RBFOX1: variants seen among roughly 807,000 people sequenced by gnomAD.
RBFOX1 encodes the protein RNA binding protein fox-1 homolog 1.
RBFOX1 carries 8 observed loss-of-function variants against 57.7 expected under a neutral mutation model. That is an observed-to-expected ratio of 0.14 (90% CI 0.08 to 0.25). The LOEUF is 0.25. Among genes scored for constraint, RBFOX1 ranks in the 10% least tolerant of loss-of-function variants. RBFOX1 has a pLI of 1.00. For missense variants in RBFOX1, 611 were observed against 548.5 expected (o/e 1.11, Z -1.14); for synonymous variants, 326 against 222.4 (o/e 1.47, Z -4.15).
rs1325121940 is a variant in RBFOX1 at position 7,712,565 on chromosome 16, G to C, written c.*1820G>C. Reference sequence around the variant, plus strand: ...TGATCTTGAAAAGAGAAAAGGGGGAGGGGGGAGCTACTTATCAGCCAAAAG... The same window carrying C: ...TGATCTTGAAAAGAGAAAAGGGGGACGGGGGAGCTACTTATCAGCCAAAAG... On this transcript the variant is annotated 3_prime_UTR_variant, in exon 16 of 16. Coordinates refer to ENST00000550418, the MANE Select transcript of RBFOX1 (RefSeq NM_018723.4). 1 of 152,586 alleles carries C rather than the reference G, an allele frequency of 6.6e-6. No individual in the cohort carries two copies. The highest frequency in any genetic ancestry group is 1.5e-5 in the Non-Finnish European group (1 of 68,046). The allele number at this position is 152,586 out of a possible 1,614,324, so 9.5% of individuals were successfully genotyped here.
intron 4 of RBFOX1, among the ~76,000 whole-genome samples, chr16:5,974,890 C>G (rs2060031706): frequency 6.6e-6 from 1 of 151,966 alleles, no homozygotes; most frequent in Non-Finnish European, 1.5e-5. Context: ...TGCCTATTAC[C>G]CTGGCTACTC....
At chr16:6,932,382 C>T (rs935471513) in intron 3 of RBFOX1, among the ~76,000 whole-genome samples, 27 of 152,198 alleles carry the variant, frequency 1.8e-4, no homozygotes, top group African/African-American at 6.3e-4. Context: ...GCTGGGATTA[C>T]ATGCATGAGC....
intron 2 of RBFOX1, among the ~76,000 whole-genome samples, chr16:5,557,047 C>G (rs190077262): frequency 6.8e-4 from 104 of 152,180 alleles, no homozygotes; most frequent in Admixed American, 4.2e-3. Flanking sequence ...ATCATGAGGT[C>G]AGGAGATCAA....
chr16:5,490,826 C>CT lies in RBFOX1; in HGVS notation c.258+23580dup, dbSNP rs903743006. ...ACTGGGAGTTTTTCTTCTTAATAAA[C>CT]TTTTTTTTCTTTCACACTGAGTACA... On this transcript the variant is annotated intron_variant, in intron 2 of 2. Coordinates refer to the RBFOX1 transcript ENST00000585867. 3.9e-5 allele frequency among the ~76,000 whole-genome samples: 6 copies of CT among 152,044 alleles called. No individual in the cohort carries two copies. The South Asian group carries it at 6.2e-4, about 16-fold the overall frequency.
chr16:6,689,755 CAG>C (rs1379027499), intron 3 of RBFOX1, among the ~76,000 whole-genome samples: 1 of 152,204 alleles, frequency 6.6e-6, no homozygotes, highest in African/African-American at 2.4e-5. Context: ...TGGAAATAAA[CAG>C]AGAGCCCAGC....
chr16:5,633,423 C>G (rs1389540687), intron 3 of RBFOX1, among the ~76,000 whole-genome samples: 2 of 152,148 alleles, frequency 1.3e-5, no homozygotes, highest in Non-Finnish European at 2.9e-5. Context: ...GTGGTGATTT[C>G]TGAGATTTTG....
At chr16:6,810,537 T>C (rs1257650782) in intron 3 of RBFOX1, among the ~76,000 whole-genome samples, 1 of 152,148 alleles carries the variant, frequency 6.6e-6, no homozygotes, top group African/African-American at 2.4e-5. Context: ...AAAACCTCTT[T>C]TTTTTTCCTT....
intron 4 of RBFOX1, among the ~76,000 whole-genome samples, chr16:7,117,154 TG>T (rs1290935292): frequency 2.6e-5 from 4 of 152,020 alleles, no homozygotes; most frequent in African/African-American, 9.7e-5. Flanking sequence ...AAGTGAGGGC[TG>T]GAATGGGAGG....
intron 3 of RBFOX1, among the ~76,000 whole-genome samples, chr16:5,686,725 C>T (rs17138385): frequency 0.1 from 15,822 of 151,956 alleles, 999 homozygotes; most frequent in East Asian, 0.15. Context: ...TGGAAATTGC[C>T]GAAATATAGA....
chr16:6,138,822 G>A (rs781029283), intron 1 of RBFOX1, among the ~76,000 whole-genome samples: 3 of 152,178 alleles, frequency 2.0e-5, no homozygotes, highest in East Asian at 1.9e-4. Context: ...AGCCGAGATT[G>A]CGCCGCTGCA....
chr16:6,642,277 T>C (rs1265950654), intron 2 of RBFOX1, among the ~76,000 whole-genome samples: 3 of 152,136 alleles, frequency 2.0e-5, no homozygotes, highest in African/African-American at 7.2e-5. Flanking sequence ...TGAGCGAAAA[T>C]TATTCACCTC....
intron 3 of RBFOX1, among the ~76,000 whole-genome samples, chr16:6,936,075 C>T (rs770456612): frequency 5.3e-5 from 8 of 152,134 alleles, no homozygotes; most frequent in Non-Finnish European, 1.2e-4. Flanking sequence ...AGGCTGACTG[C>T]GGGCATTTCC....
At chr16:7,013,582 C>G (rs1323294061) in intron 3 of RBFOX1, among the ~76,000 whole-genome samples, 3 of 152,168 alleles carry the variant, frequency 2.0e-5, no homozygotes, top group Non-Finnish European at 4.4e-5. Flanking sequence ...TCTGGTATAA[C>G]CTATCATTGC....
chr16:6,087,443 C>T (rs182695560), intron 1 of RBFOX1, among the ~76,000 whole-genome samples: 1 of 152,154 alleles, frequency 6.6e-6, no homozygotes, highest in East Asian at 1.9e-4. Context: ...CCATAGATAA[C>T]TATTGCTAAC....
chr16:6,972,510 C>T (rs1417431087), intron 3 of RBFOX1, among the ~76,000 whole-genome samples: 1 of 152,134 alleles, frequency 6.6e-6, no homozygotes, highest in Non-Finnish European at 1.5e-5. Context: ...TGGGTTGCCG[C>T]CACTTGTTGG....
chr16:7,081,723 A>G (rs1429392353), intron 4 of RBFOX1, among the ~76,000 whole-genome samples: 3 of 152,184 alleles, frequency 2.0e-5, no homozygotes, highest in African/African-American at 7.2e-5. Context: ...ATATTTCATA[A>G]TGAGTAATTT....
rs139808926 is a variant in RBFOX1, at chr16:7,014,827, C to T, written c.-15-37230C>T. On this transcript the variant is annotated intron_variant, in intron 3 of 15. Transcript: ENST00000550418. ...GCAACCTCCGTCTCCAGGATTCAAG[C>T]ACTTCTCCTGCATTAGCCTCCTGAG... Among the ~76,000 whole-genome samples, 544 of 152,234 alleles carry T rather than the reference C, an allele frequency of 3.6e-3. 5 individuals are homozygous for T. Among genetic ancestry groups the T allele is most frequent in the African/African-American group, 0.012 (491 of 41,552 alleles).
chr16:7,107,097 C>G (rs1483786159), intron 4 of RBFOX1, among the ~76,000 whole-genome samples: 1 of 151,976 alleles, frequency 6.6e-6, no homozygotes, highest in African/African-American at 2.4e-5. Context: ...AAGCCTGTTT[C>G]GAAAGTTGGG....
chr16:5,734,762 T>C (rs921564586), intron 3 of RBFOX1, among the ~76,000 whole-genome samples: 12 of 152,044 alleles, frequency 7.9e-5, no homozygotes, highest in Admixed American at 6.5e-4. Flanking sequence ...CTGTAGGCTA[T>C]AGGGAATAGC....
Sources: allele counts gnomAD v4.1 joint callset (sites outside exome capture counted in the v4.1 genomes callset), GRCh38; gene constraint gnomAD v4.1.1; transcripts MANE v1.5; gene names NCBI Gene and HGNC (gene_info 2026-07-23, HGNC 2026-07-21).